STOX2: variants seen among roughly 807,000 people sequenced by gnomAD.
STOX2 encodes storkhead-box protein 2.
STOX2 carries 28 observed loss-of-function variants against 60.9 expected under a neutral mutation model. That is an observed-to-expected ratio of 0.46 (90% CI 0.34 to 0.63). The LOEUF is 0.63. Ranked by LOEUF, STOX2 falls within the 30% of genes least tolerant of loss-of-function variation. The pLI is 0.01. For synonymous variants in STOX2, 472 were observed against 463.9 expected (o/e 1.02, Z -0.22); for missense variants, 1,024 against 1,187.7 (o/e 0.86, Z 2.03).
intron 1 of STOX2, among the ~76,000 whole-genome samples, chr4:183,862,812 G>T (rs1199168834): frequency 6.6e-6 from 1 of 152,188 alleles, no homozygotes; most frequent in African/African-American, 2.4e-5. Flanking sequence ...CTCTCTAACG[G>T]TGCCCTGTGG....
chr4:183,849,091 G>A (rs1300871759), intron 1 of STOX2, among the ~76,000 whole-genome samples: 3 of 152,194 alleles, frequency 2.0e-5, no homozygotes, highest in Non-Finnish European at 4.4e-5. Flanking sequence ...AACTAGAGAT[G>A]GGAGAAGGAC....
intron 1 of STOX2, among the ~76,000 whole-genome samples, chr4:183,824,003 C>T (rs554984618): frequency 4.6e-5 from 7 of 152,306 alleles, no homozygotes; most frequent in East Asian, 1.9e-4. Context: ...AGCCATGTAT[C>T]GTAAAATCGG....
In STOX2 at chr4:183,906,638, C is replaced by A; in HGVS notation, c.-153C>A. The A allele has an allele frequency of 3.6e-6, 3 of 834,078 alleles. No homozygotes were observed. Among genetic ancestry groups the A allele is most frequent in the Non-Finnish European group, 5.4e-6 (3 of 560,006 alleles). The allele number at this position is 834,078 out of a possible 1,614,324, so 51.7% of individuals were successfully genotyped here. The stretch of plus-strand genomic sequence containing the variant: ...GTGGGGGGGCGTGGGGAGGGCCGGA[C>A]CCGCCGCTGGCGGTGTAGACGCCGA... On this transcript the variant is annotated 5_prime_UTR_variant, in exon 1 of 4. Coordinates refer to ENST00000308497, the MANE Select transcript of STOX2 (RefSeq NM_020225.3).
chr4:183,916,350 T>C (rs1212102755), intron 1 of STOX2, among the ~76,000 whole-genome samples: 1 of 152,252 alleles, frequency 6.6e-6, no homozygotes, highest in African/African-American at 2.4e-5. Context: ...CTGTGTAGCA[T>C]AGTGATTTAG....
chr4:183,970,139 CGTGTGTGTGTGTGTGTGTGTGTGT>C (rs3042606), intron 1 of STOX2, among the ~76,000 whole-genome samples: 1 of 126,906 alleles, frequency 7.9e-6, no homozygotes, highest in Non-Finnish European at 1.6e-5. Flanking sequence ...ACTACATGTA[CGTGTGTGTGTGTGTGTGTGTGTGT>C]GTGTGTGTGT....
rs1321977121 is a variant in STOX2 at position 183,856,294 on chromosome 4, C to T, written c.364+58239C>T. 1.3e-5 allele frequency among the ~76,000 whole-genome samples: 2 copies of T among 152,046 alleles called. No individual in the cohort carries two copies. Among genetic ancestry groups the T allele is most frequent in the Non-Finnish European group, 2.9e-5 (2 of 68,024 alleles). On this transcript the variant is annotated intron_variant, in intron 1 of 2. Coordinates refer to the STOX2 transcript ENST00000513034. The surrounding 1 kb of genome is among the most constrained non-coding windows in gnomAD (Gnocchi z 4.0). ...CGAGCCTATGAACTAAAAAAATCTG[C>T]ACCATTAATTAAAGAAATGGCATGG...
At position 184,009,964 on chromosome 4, in the gene STOX2, A is replaced by G; in HGVS notation, c.1126A>G (p.Thr376Ala). 6.2e-7 allele frequency: 1 copy of G among 1,613,936 alleles called. No individual in the cohort carries two copies. Among genetic ancestry groups the G allele is most frequent in the Non-Finnish European group, 8.5e-7 (1 of 1,179,868 alleles). ...TGGAAAGTCTCGGTCTCACAGCAAG[A>G]CACGGGTGTCTAAAGGAGACCCTTC... ...SHGKSRSHSK[T>A]RVSKGDPSDG... The change falls in exon 3 of 4, where the codon ACA (threonine) becomes GCA (alanine). Residue 376 changes from threonine (T) to alanine (A), a missense_variant. Thr to Ala is a moderately conservative substitution (Grantham distance 58, BLOSUM62 0). Transcript: ENST00000308497. The surrounding 1 kb of genome is among the most constrained non-coding windows in gnomAD (Gnocchi z 4.0).
chr4:183,935,321 G>T (rs1336997224), intron 1 of STOX2, among the ~76,000 whole-genome samples: 1 of 152,118 alleles, frequency 6.6e-6, no homozygotes, highest in Non-Finnish European at 1.5e-5. Flanking sequence ...TCCCCAGAGG[G>T]TATCACCCTG....
chr4:183,807,122 A>G lies in STOX2; in HGVS notation c.364+9067A>G, dbSNP rs575424606. ...CGAGTAGCTGGGACTGCAGGCGACC[A>G]CCACCACGCCCAGCTAATTTTTAGT... On this transcript the variant is annotated intron_variant, in intron 1 of 2. Coordinates refer to the STOX2 transcript ENST00000513034. Among the ~76,000 whole-genome samples the G allele has an allele frequency of 2.9e-3, 438 of 152,034 alleles. 4 individuals are homozygous for G. The highest frequency in any genetic ancestry group is 0.023 in the East Asian group (116 of 5,152).
chr4:183,930,355 T>C lies in STOX2; in HGVS notation c.166+23399T>C, dbSNP rs767545021. On this transcript the variant is annotated intron_variant, in intron 1 of 3. Transcript: ENST00000308497. ...TAAGTTTTTTATTTTTATTTTGTTA[T>C]TATTTTTTATTGTTTGAGACAGGGT... 5.6e-4 allele frequency among the ~76,000 whole-genome samples: 85 copies of C among 151,770 alleles called. 1 individual carries two copies. The highest frequency in any genetic ancestry group is 8.2e-4 in the Non-Finnish European group (56 of 67,890).
chr4:183,912,034 C>G (rs1034962106), intron 1 of STOX2, among the ~76,000 whole-genome samples: 3 of 152,178 alleles, frequency 2.0e-5, no homozygotes, highest in Non-Finnish European at 2.9e-5. Flanking sequence ...GGCTAGTCTT[C>G]TTTAACATCA....
At chr4:183,951,822 A>G (rs778805624) in intron 1 of STOX2, among the ~76,000 whole-genome samples, 3 of 152,134 alleles carry the variant, frequency 2.0e-5, no homozygotes, top group Non-Finnish European at 4.4e-5. Flanking sequence ...GCATGCCTGT[A>G]GTTCCAGCTA....
In STOX2 at chr4:183,836,973, T is replaced by C. The variant is rs1739726929; in HGVS notation, c.364+38918T>C. 6.6e-6 allele frequency among the ~76,000 whole-genome samples: 1 copy of C among 152,224 alleles called. No individual in the cohort carries two copies. The highest frequency in any genetic ancestry group is 1.5e-5 in the Non-Finnish European group (1 of 68,038). ...TGTGTGCCAGTATTGTACTGTGTGC[T>C]GCTTATACAGGATTAATTAGAGCAC... On this transcript the variant is annotated intron_variant, in intron 1 of 2. Coordinates refer to the STOX2 transcript ENST00000513034. This position sits in a 1 kb window ranked among gnomAD's most constrained non-coding sequence, Gnocchi z 4.1.
intron 1 of STOX2, among the ~76,000 whole-genome samples, chr4:183,826,869 T>C (rs1200317722): frequency 6.6e-6 from 1 of 152,266 alleles, no homozygotes; most frequent in Non-Finnish European, 1.5e-5. Flanking sequence ...TTGAGCTTGC[T>C]GCTCAACAGG....
intron 1 of STOX2, among the ~76,000 whole-genome samples, chr4:183,962,340 A>G (rs571184012): frequency 2.6e-5 from 4 of 152,300 alleles, no homozygotes; most frequent in Non-Finnish European, 5.9e-5. Flanking sequence ...CTTAAGTGGC[A>G]AAATTCTAAT....
intron 1 of STOX2, among the ~76,000 whole-genome samples, chr4:183,888,891 G>C (rs879577041): frequency 1.3e-5 from 2 of 152,032 alleles, no homozygotes; most frequent in Non-Finnish European, 2.9e-5. Context: ...TGCTGGGGAA[G>C]GGGGCAAATG....
intron 1 of STOX2, among the ~76,000 whole-genome samples, chr4:183,955,552 T>C (rs1165373834): frequency 6.6e-6 from 1 of 152,184 alleles, no homozygotes; most frequent in African/African-American, 2.4e-5. Flanking sequence ...TAGTAGCTTT[T>C]AAGGCTGGCT....
At chr4:183,901,679 T>C (rs546773970), upstream of STOX2, among the ~76,000 whole-genome samples, 1 of 152,160 alleles carries the variant, frequency 6.6e-6, no homozygotes, top group Admixed American at 6.5e-5. Flanking sequence ...ATTTCTCTAA[T>C]GATTACTGAT....
At chr4:183,910,692 A>G (rs1333296962) in intron 1 of STOX2, among the ~76,000 whole-genome samples, 4 of 152,148 alleles carry the variant, frequency 2.6e-5, no homozygotes, top group African/African-American at 9.7e-5. Context: ...TTTGAGTTTG[A>G]TGCTTATCAT....
Sources: allele counts gnomAD v4.1 joint callset (sites outside exome capture counted in the v4.1 genomes callset), GRCh38; gene constraint gnomAD v4.1.1; non-coding constraint Gnocchi (gnomAD v3.1); transcripts MANE v1.5; gene names NCBI Gene and HGNC (gene_info 2026-07-23, HGNC 2026-07-21).